NEK9: variants seen among roughly 807,000 people sequenced by gnomAD.
NEK9 encodes the protein serine/threonine-protein kinase Nek9.
In NEK9, 75 loss-of-function variants were observed where a neutral mutation model predicts 123.4. The observed-to-expected ratio is 0.61, with a 90% CI of 0.50 to 0.74. The LOEUF is 0.74. NEK9 is among the 30% of genes least tolerant of loss of function. The pLI, the probability that NEK9 is intolerant of heterozygous loss-of-function variation, is 0.00. For missense variants in NEK9, 952 were observed against 1,214.4 expected, an observed-to-expected ratio of 0.78 and a Z score of 3.21; for synonymous variants, 438 against 458.7, an observed-to-expected ratio of 0.95 and a Z score of 0.58.
At chr14:75,120,611 A>C in intron 3 of NEK9, 31 bp from the exon 4 acceptor site, 1 of 1,557,740 alleles carries the variant, frequency 6.4e-7, no homozygotes. Context: ...TTTGGATTAG[A>C]AACAAAAAGC....
chr14:75,107,577 CA>C (rs1894821417), intron 10 of NEK9, 90 bp from the exon 11 acceptor site: 1 of 1,158,856 alleles, frequency 8.6e-7, no homozygotes, highest in African/African-American at 1.6e-5. Context: ...CTATGTTGCC[CA>C]AGCTGGTCTT....
At chr14:75,117,828 G>T (rs1895191997) in intron 5 of NEK9, among the ~76,000 whole-genome samples, 1 of 152,072 alleles carries the variant, frequency 6.6e-6, no homozygotes. Context: ...ATTTGAAAAA[G>T]ATTTTCTGAC....
Position 75,088,732 on chromosome 14 carries a change from A to G in NEK9, c.2443-91T>C, listed in dbSNP as rs995673772. 9.5e-5 allele frequency: 118 copies of G among 1,240,640 alleles called. No individual in the cohort carries two copies. The African/African-American group carries it at 1.4e-3, about 15-fold the overall frequency. 76.9% of individuals were successfully genotyped at this position (1,240,640 alleles called of 1,614,324 possible). A position where few individuals can be genotyped will look rare whatever the true frequency, so the allele number is the denominator to read the frequency against. ...TTTTTGCTATAGTTTTCCCTCTCTC[A>G]TGACTTCAGCACCCTCTAGTGGGCA... is the stretch of plus-strand genomic sequence containing the variant. On this transcript the variant is annotated intron_variant, in intron 19 of 21. Transcript: ENST00000238616.
chr14:75,109,069 A>C (rs1021089075), intron 10 of NEK9, among the ~76,000 whole-genome samples: 4 of 152,296 alleles, frequency 2.6e-5, no homozygotes, highest in African/African-American at 7.2e-5. Flanking sequence ...TTAGCAATTT[A>C]TGGGTCATTT....
intron 1 of NEK9, among the ~76,000 whole-genome samples, chr14:75,125,880 G>T (rs1409854857): frequency 6.6e-6 from 1 of 152,154 alleles, no homozygotes; most frequent in Non-Finnish European, 1.5e-5. Context: ...AAGATTTTAT[G>T]ATCAAATCTA....
chr14:75,126,942 G>A lies in NEK9; in HGVS notation c.-21C>T. On this transcript the variant is annotated 5_prime_UTR_variant, in exon 1 of 22. Transcript: ENST00000238616. Reference sequence around the variant, plus strand: ...GACATGGCGGCGGCCGCGGGCCTTGGGGACCAGCCTGCGTATGCCCGGAGG... The same window carrying A: ...GACATGGCGGCGGCCGCGGGCCTTGAGGACCAGCCTGCGTATGCCCGGAGG... 6.9e-7 allele frequency: 1 copy of A among 1,444,884 alleles called. No homozygotes were observed. The highest frequency in any genetic ancestry group is 3.0e-5 in the East Asian group (1 of 32,886). The allele number at this position is 1,444,884 out of a possible 1,614,324, so 89.5% of individuals were successfully genotyped here.
rs1893817079 is a variant in NEK9, at chr14:75,079,837, C to T, written c.*4727G>A. The T allele has an allele frequency of 6.6e-6, 1 of 152,186 alleles. No homozygotes were observed. The highest frequency in any genetic ancestry group is 1.5e-5 in the Non-Finnish European group (1 of 68,042). 9.4% of individuals were successfully genotyped at this position (152,186 alleles called of 1,614,324 possible). On this transcript the variant is annotated 3_prime_UTR_variant, in exon 22 of 22. Coordinates refer to ENST00000238616, the MANE Select transcript of NEK9 (RefSeq NM_033116.6). The stretch of plus-strand genomic sequence containing the variant: ...TACCTTATCTGCCTGGTACCACAGG[C>T]ACTTGGATTTGGGATCGCTGGATGT...
chr14:75,092,494 T>G (rs1894252033), intron 18 of NEK9, among the ~76,000 whole-genome samples: 2 of 148,252 alleles, frequency 1.3e-5, no homozygotes, highest in African/African-American at 5.0e-5. Flanking sequence ...CTTGAATTCC[T>G]GACCTCAAGT....
intron 2 of NEK9, 103 bp downstream of exon 2, chr14:75,123,943 A>G (rs1446308989): frequency 4.3e-6 from 4 of 938,546 alleles, no homozygotes; most frequent in Non-Finnish European, 6.1e-6. Flanking sequence ...AATTCATTTA[A>G]AGTTTTTATC....
intron 4 of NEK9, 37 bp downstream of exon 4, chr14:75,120,473 A>T: frequency 1.4e-6 from 2 of 1,461,060 alleles, no homozygotes; most frequent in Middle Eastern, 1.7e-4. Context: ...CTGAATTGGT[A>T]GGGAAGAATC....
At position 75,079,613 on chromosome 14, in the gene NEK9, C is replaced by T. The variant is rs1237238609; in HGVS notation, c.*4951G>A. The T allele has an allele frequency of 2.0e-5, 3 of 152,178 alleles. No individual in the cohort carries two copies. Among genetic ancestry groups the T allele is most frequent in the Admixed American group, 6.5e-5 (1 of 15,284 alleles). The allele number at this position is 152,178 out of a possible 1,614,324, so 9.4% of individuals were successfully genotyped here. ...GCTTTGCTCCACAGATGTTTTATTT[C>T]GCTGGCCTAGCATTCATAATATGAT... On this transcript the variant is annotated 3_prime_UTR_variant, in exon 22 of 22. Coordinates refer to ENST00000238616, the MANE Select transcript of NEK9 (RefSeq NM_033116.6).
chr14:75,107,511 A>T, intron 10 of NEK9, 24 bp from the exon 11 acceptor site: 1 of 1,545,982 alleles, frequency 6.5e-7, no homozygotes, highest in Non-Finnish European at 8.7e-7. Context: ...AGGTCTTATG[A>T]CTTTTTTTTT....
At chr14:75,105,055 A>G (rs1455428801) in intron 13 of NEK9, among the ~76,000 whole-genome samples, 1 of 152,162 alleles carries the variant, frequency 6.6e-6, no homozygotes, top group African/African-American at 2.4e-5. Flanking sequence ...TACTGAGGTA[A>G]TATCTAGGAC....
intron 4 of NEK9, among the ~76,000 whole-genome samples, chr14:75,119,205 G>A (rs376011391): frequency 6.6e-6 from 1 of 151,768 alleles, no homozygotes; most frequent in Non-Finnish European, 1.5e-5. Flanking sequence ...CTAGCTTCTC[G>A]GGAGGTTAAA....
At chr14:75,117,056 A>G in intron 6 of NEK9, 139 bp downstream of exon 6, 1 of 1,019,010 alleles carries the variant, frequency 9.8e-7, no homozygotes, top group Non-Finnish European at 1.4e-6. Context: ...GCATTTTAGT[A>G]ATAGATTACT....
chr14:75,114,564 T>C (rs1191315577), intron 6 of NEK9, among the ~76,000 whole-genome samples: 3 of 152,206 alleles, frequency 2.0e-5, no homozygotes, highest in Non-Finnish European at 2.9e-5. Flanking sequence ...GAGTATATTA[T>C]AATCTGACCT....
intron 13 of NEK9, 112 bp downstream of exon 13, chr14:75,105,838 A>T: frequency 1.2e-6 from 1 of 832,286 alleles, no homozygotes; most frequent in Non-Finnish European, 1.9e-6. Flanking sequence ...CCCAAACAGG[A>T]AACACTTCGG....
intron 18 of NEK9, among the ~76,000 whole-genome samples, chr14:75,094,332 T>C (rs1160006916): frequency 3.9e-5 from 6 of 152,206 alleles, no homozygotes. Context: ...CAGGCCGGAT[T>C]GCAGTGGCTA....
At chr14:75,120,668 A>C in intron 3 of NEK9, 88 bp from the exon 4 acceptor site, 1 of 952,654 alleles carries the variant, frequency 1.0e-6, no homozygotes, top group Non-Finnish European at 1.6e-6. Flanking sequence ...AAACAAAGAA[A>C]ACTGCAACCA....
Sources: allele counts gnomAD v4.1 joint callset (sites outside exome capture counted in the v4.1 genomes callset), GRCh38; gene constraint gnomAD v4.1.1; transcripts MANE v1.5; gene names NCBI Gene and HGNC (gene_info 2026-07-23, HGNC 2026-07-21).